Variants in PCDHA11 observed in about 807,000 individuals in gnomAD.
PCDHA11 encodes the protein protocadherin alpha 11.
Under a neutral mutation model 70.3 loss-of-function variants are expected in PCDHA11, and 61 were observed. That is an observed-to-expected ratio of 0.87 (90% CI 0.71 to 1.07). The LOEUF is 1.07. Ranked by LOEUF, PCDHA11 falls within the 50% of genes least tolerant of loss-of-function variation. The pLI, the probability that PCDHA11 is intolerant of heterozygous loss-of-function variation, is 0.00. For missense variants in PCDHA11, 1,324 were observed against 1,237.5 expected, an observed-to-expected ratio of 1.07 and a Z score of -1.05; for synonymous variants, 633 against 555.1, an observed-to-expected ratio of 1.14 and a Z score of -1.97.
intron 1 of PCDHA11, chr5:140,929,005 A>G: frequency 6.2e-7 from 1 of 1,614,062 alleles, no homozygotes; most frequent in Non-Finnish European, 8.5e-7. Context: ...CTTCGTGTGT[A>G]CCAAGTTGCA....
intron 1 of PCDHA11, among the ~76,000 whole-genome samples, chr5:140,935,239 A>G (rs1554210410): frequency 1.3e-5 from 2 of 152,172 alleles, no homozygotes. Flanking sequence ...TCTATTTTTT[A>G]AAAGATAAAA....
At chr5:140,937,824 A>G (rs1229119616) in intron 1 of PCDHA11, among the ~76,000 whole-genome samples, 1 of 151,696 alleles carries the variant, frequency 6.6e-6, no homozygotes, top group African/African-American at 2.4e-5. Context: ...AGGCAGGAGA[A>G]TGGCATGAAC....
chr5:140,882,580 C>G (rs371338305), intron 1 of PCDHA11: 3 of 1,614,244 alleles, frequency 1.9e-6, no homozygotes, highest in East Asian at 4.5e-5. Flanking sequence ...AGTGCAGCAT[C>G]CACCTGGAGG....
In PCDHA11 at chr5:140,929,079, T is replaced by G. The variant is rs76301676; in HGVS notation, c.2392-49870T>G. 5,184 of 1,614,178 alleles carry G rather than the reference T, an allele frequency of 3.2e-3. 26 individuals are homozygous for G. Among genetic ancestry groups the G allele is most frequent in the African/African-American group, 0.019 (1,450 of 75,034 alleles). On this transcript the variant is annotated intron_variant, in intron 1 of 3. Transcript: ENST00000398640. ...CTACAGAGGATCTGAGGTATGGAAGTAAGATGGTTTCAAATCCTTGCATGA... is the reference window on the plus strand; with the variant it reads ...CTACAGAGGATCTGAGGTATGGAAGGAAGATGGTTTCAAATCCTTGCATGA...
At chr5:140,875,859 C>G (rs1381473536) in intron 1 of PCDHA11, 1 of 1,614,038 alleles carries the variant, frequency 6.2e-7, no homozygotes, top group Non-Finnish European at 8.5e-7. Flanking sequence ...TTAACGACAA[C>G]CCGCCGGTGT....
rs782046977 is a variant in PCDHA11 at position 140,968,811 on chromosome 5, A to T, written c.2392-10138A>T. The T allele has an allele frequency of 5.0e-6, 8 of 1,614,086 alleles. No homozygotes were observed. The African/African-American group carries it at 6.7e-5, about 13-fold the overall frequency. The stretch of plus-strand genomic sequence containing the variant: ...GTGGCCATTACAGTAGCTGTGGTGG[A>T]TAGGGTTTCCAAAATCCTCCCTGAC... On this transcript the variant is annotated intron_variant, in intron 1 of 3. Coordinates refer to ENST00000398640, the MANE Select transcript of PCDHA11 (RefSeq NM_018902.5).
intron 3 of PCDHA11, among the ~76,000 whole-genome samples, chr5:140,993,129 G>A (rs1216210971): frequency 6.6e-6 from 1 of 152,160 alleles, no homozygotes; most frequent in Non-Finnish European, 1.5e-5. Flanking sequence ...ATTTCCTTCT[G>A]TTGCAACAAG....
chr5:140,972,958 G>C (rs918792607), intron 1 of PCDHA11, among the ~76,000 whole-genome samples: 1 of 152,038 alleles, frequency 6.6e-6, no homozygotes, highest in African/African-American at 2.4e-5. Context: ...CACCATGCCC[G>C]GCAAAGGAAA....
rs200002785 is a variant in PCDHA11, at chr5:140,870,350, A to G, written c.1247A>G (p.Asn416Ser). Residue 416 changes from asparagine (N) to serine (S), a missense_variant, in exon 1 of 4, where the codon AAC becomes AGC. Transcript: ENST00000398640. ...CTGGACAGCGCCCTGGACCGCGAGA[A>G]CGTGTGGGCCTATGAACTGGTGGTG... ...LVLDSALDRENVWAYELVVTA... is the reference protein window; with the variant it reads ...LVLDSALDRESVWAYELVVTA... 1.1e-4 allele frequency: 183 copies of G among 1,614,052 alleles called. 1 individual carries two copies. Among genetic ancestry groups the G allele is most frequent in the Middle Eastern group, 3.3e-4 (2 of 6,084 alleles).
intron 1 of PCDHA11, chr5:140,966,442 T>C (rs1474683794): frequency 4.7e-6 from 2 of 424,056 alleles, no homozygotes; most frequent in East Asian, 3.6e-5. Flanking sequence ...TACCGCTCCC[T>C]TTCCCCCTCC....
chr5:140,972,505 T>C (rs2096539361), intron 1 of PCDHA11, among the ~76,000 whole-genome samples: 1 of 152,100 alleles, frequency 6.6e-6, no homozygotes, highest in African/African-American at 2.4e-5. Flanking sequence ...GTTGGTAGAT[T>C]TTACCCCCAG....
At chr5:140,969,519 G>T in intron 1 of PCDHA11, 2 of 1,406,074 alleles carry the variant, frequency 1.4e-6, no homozygotes, top group Admixed American at 2.8e-5. Context: ...CTAAAGAATT[G>T]TTTTATTTTT....
At chr5:140,943,157 C>T (rs2093427609) in intron 1 of PCDHA11, among the ~76,000 whole-genome samples, 1 of 148,876 alleles carries the variant, frequency 6.7e-6, no homozygotes, top group South Asian at 2.1e-4. Context: ...ACTCTGGAGG[C>T]TGAGGCAGGA....
At chr5:140,965,716 C>T (rs75761543) in intron 1 of PCDHA11, among the ~76,000 whole-genome samples, 2,507 of 152,272 alleles carry the variant, frequency 0.016, 70 homozygotes, top group African/African-American at 0.056. Flanking sequence ...AGAAGAATCT[C>T]TTTAAAAATT....
Position 141,009,608 on chromosome 5 carries a change from G to A in PCDHA11, c.2540-19G>A, listed in dbSNP as rs1350951999. ...CATGTGTTGACCCTGTTAATGATTTGTAATGTTTTGTCTTTCAGAACCAGA... is the reference window on the plus strand; with the variant it reads ...CATGTGTTGACCCTGTTAATGATTTATAATGTTTTGTCTTTCAGAACCAGA... On this transcript the variant is annotated intron_variant, in intron 3 of 3. Coordinates refer to ENST00000398640, the MANE Select transcript of PCDHA11 (RefSeq NM_018902.5). The A allele has an allele frequency of 2.5e-6, 4 of 1,610,656 alleles. No individual in the cohort carries two copies. The highest frequency in any genetic ancestry group is 3.4e-6 in the Non-Finnish European group (4 of 1,177,936).
chr5:140,873,286 A>C (rs1337353218), intron 1 of PCDHA11, among the ~76,000 whole-genome samples: 3 of 152,246 alleles, frequency 2.0e-5, no homozygotes, highest in African/African-American at 7.2e-5. Flanking sequence ...ACCACTTATG[A>C]AACTTTATAA....
intron 1 of PCDHA11, among the ~76,000 whole-genome samples, chr5:140,937,615 T>TCAAAAAAAAAAAAAAAAAAAAAAAA (rs1472779704): frequency 5.3e-5 from 8 of 149,546 alleles, no homozygotes; most frequent in African/African-American, 2.0e-4. Context: ...ATACTCCATC[T>TCAAAAAAAAAAAAAAAAAAAAAAAA]AAAAAGAAAA....
chr5:140,968,058 G>A lies in PCDHA11; in HGVS notation c.2392-10891G>A, dbSNP rs532963970. On this transcript the variant is annotated intron_variant, in intron 1 of 3. Transcript: ENST00000398640. The stretch of plus-strand genomic sequence containing the variant: ...GTGAGCGGCCCACTGGACCGAGAGC[G>A]GGTGGCTGTCTACAACATCACGGTG... The A allele has an allele frequency of 1.1e-5, 18 of 1,614,088 alleles. No individual in the cohort carries two copies. The highest frequency in any genetic ancestry group is 4.0e-5 in the African/African-American group (3 of 75,026).
chr5:140,957,222 G>A (rs537549328), intron 1 of PCDHA11, among the ~76,000 whole-genome samples: 1 of 152,182 alleles, frequency 6.6e-6, no homozygotes, highest in East Asian at 1.9e-4. Context: ...AAAATTTGGC[G>A]AAGCATTTTG....
Sources: gnomAD v4.1 joint callset for allele counts (sites outside exome capture counted in the v4.1 genomes callset) on GRCh38, gnomAD v4.1.1 for gene constraint, MANE v1.5 for transcripts, NCBI Gene and HGNC (gene_info 2026-07-23, HGNC 2026-07-21) for gene names.